The following GLDC variants were observed in gnomAD, a reference collection of about 807,000 sequenced individuals.
GLDC encodes the protein glycine decarboxylase, also known as glycine dehydrogenase (decarboxylating), mitochondrial.
Under a neutral mutation model 121.3 loss-of-function variants are expected in GLDC, and 104 were observed. The observed-to-expected ratio is 0.86, with a 90% CI of 0.73 to 1.01. The LOEUF (loss-of-function observed/expected upper bound fraction) is 1.01, where lower values mean the gene tolerates loss of function less well. GLDC is among the 50% of genes least tolerant of loss of function. The pLI, the probability that GLDC is intolerant of heterozygous loss-of-function variation, is 0.00. For synonymous variants in GLDC, 546 were observed against 480.6 expected (o/e 1.14, Z -1.78); for missense variants, 1,429 against 1,306.6 (o/e 1.09, Z -1.44).
intron 15 of GLDC, among the ~76,000 whole-genome samples, chr9:6,567,720 T>C (rs1817880371): frequency 6.6e-6 from 1 of 152,220 alleles, no homozygotes; most frequent in Non-Finnish European, 1.5e-5. Flanking sequence ...TATCATAGCA[T>C]TTTACTCTAC....
At chr9:6,558,397 C>T (rs1170329544) in intron 17 of GLDC, 162 bp downstream of exon 17, 3 of 797,370 alleles carry the variant, frequency 3.8e-6, no homozygotes, top group Non-Finnish European at 2.2e-6. Flanking sequence ...GGATTTCTCC[C>T]TGTTGGTGAT....
At chr9:6,618,896 C>T (rs1277761128) in intron 3 of GLDC, among the ~76,000 whole-genome samples, 2 of 151,898 alleles carry the variant, frequency 1.3e-5, no homozygotes, top group African/African-American at 4.8e-5. Flanking sequence ...GTAATCCCAG[C>T]CCTCTGGGAG....
intron 2 of GLDC, among the ~76,000 whole-genome samples, chr9:6,641,958 C>T (rs36043080): frequency 1.3e-5 from 2 of 152,160 alleles, no homozygotes; most frequent in South Asian, 2.1e-4. Context: ...AATGGAAATG[C>T]TACTACCAGA....
chr9:6,623,954 G>A (rs928867024), intron 2 of GLDC, among the ~76,000 whole-genome samples: 12 of 152,198 alleles, frequency 7.9e-5, no homozygotes, highest in African/African-American at 2.9e-4. Context: ...ATCCTGTGCA[G>A]GGGGGACAGG....
chr9:6,595,911 T>G (rs1010414367), intron 8 of GLDC, among the ~76,000 whole-genome samples: 9 of 152,166 alleles, frequency 5.9e-5, no homozygotes, highest in Non-Finnish European at 1.5e-5. Flanking sequence ...AGGAAGTCTC[T>G]ATGGAGCCAA....
intron 2 of GLDC, among the ~76,000 whole-genome samples, chr9:6,627,794 A>T (rs900395783): frequency 2.0e-5 from 3 of 152,152 alleles, no homozygotes; most frequent in African/African-American, 7.2e-5. Context: ...AGGCTTCCAC[A>T]CCCACATATA....
chr9:6,638,311 C>T (rs1396164735), intron 2 of GLDC, among the ~76,000 whole-genome samples: 2 of 151,904 alleles, frequency 1.3e-5, no homozygotes, highest in Non-Finnish European at 2.9e-5. Flanking sequence ...CGGGTTCAAG[C>T]GATTCTTCTG....
At chr9:6,611,759 T>C (rs1818862142) in intron 3 of GLDC, among the ~76,000 whole-genome samples, 1 of 152,232 alleles carries the variant, frequency 6.6e-6, no homozygotes, top group Non-Finnish European at 1.5e-5. Context: ...TCCTGTCGTA[T>C]ATCTTGTGCC....
chr9:6,607,952 A>C (rs1334806408), intron 4 of GLDC, among the ~76,000 whole-genome samples: 1 of 151,384 alleles, frequency 6.6e-6, no homozygotes, highest in Non-Finnish European at 1.5e-5. Flanking sequence ...GCAAAACCCT[A>C]TCTCTACAAA....
intron 2 of GLDC, among the ~76,000 whole-genome samples, chr9:6,640,588 A>G (rs1444644870): frequency 1.3e-5 from 2 of 152,164 alleles, no homozygotes; most frequent in Admixed American, 1.3e-4. Flanking sequence ...CATTCTGACA[A>G]CTCATCTCCT....
At position 6,645,412 on chromosome 9, in the gene GLDC, A is replaced by G; in HGVS notation, c.88T>C (p.Trp30Arg). The G allele has an allele frequency of 7.1e-7, 1 of 1,412,486 alleles. No homozygotes were observed. Among genetic ancestry groups the G allele is most frequent in the Non-Finnish European group, 9.2e-7 (1 of 1,081,976 alleles). 87.5% of individuals were successfully genotyped at this position (1,412,486 alleles called of 1,614,324 possible). A position where few individuals can be genotyped will look rare whatever the true frequency, so the allele number is the denominator to read the frequency against. Residue 30 changes from tryptophan to arginine, a missense_variant, in exon 1 of 25, where the codon TGG (tryptophan) becomes CGG (arginine). Coordinates refer to ENST00000321612, the MANE Select transcript of GLDC (RefSeq NM_000170.3). ...RRLAGGSGPC[W>R]APRSRDSSSG... ...CTGCTGTCCCGGCTCCGCGGCGCCC[A>G]GCACGGCCCCGATCCCCCAGCCAGG...
intron 7 of GLDC, among the ~76,000 whole-genome samples, chr9:6,603,888 C>T (rs1970081): frequency 0.18 from 27,055 of 151,698 alleles, 2,888 homozygotes; most frequent in East Asian, 0.34. Context: ...CACCACCACG[C>T]CCACCTAATT....
intron 14 of GLDC, among the ~76,000 whole-genome samples, chr9:6,588,095 G>C (rs1305787655): frequency 8.6e-6 from 1 of 116,838 alleles, no homozygotes; most frequent in African/African-American, 3.3e-5. Flanking sequence ...TTTTAAAAAA[G>C]CTTTTAATAT....
intron 2 of GLDC, 57 bp downstream of exon 2, chr9:6,644,557 C>G: frequency 8.2e-7 from 1 of 1,215,030 alleles, no homozygotes; most frequent in Admixed American, 1.7e-5. Context: ...CAGGGAACCA[C>G]AAAAGACAAA....
chr9:6,635,678 G>T (rs1326865847), intron 2 of GLDC, among the ~76,000 whole-genome samples: 2 of 151,978 alleles, frequency 1.3e-5, no homozygotes, highest in African/African-American at 2.4e-5. Flanking sequence ...CTTGAGACCA[G>T]CCTGGGCAAC....
At chr9:6,611,550 C>T (rs986399313) in intron 3 of GLDC, among the ~76,000 whole-genome samples, 6 of 92,444 alleles carry the variant, frequency 6.5e-5, no homozygotes, top group South Asian at 3.8e-4. Flanking sequence ...AGCAAGACTC[C>T]GTCTCAAAAA....
At chr9:6,547,471 G>C (rs1817419168) in intron 21 of GLDC, among the ~76,000 whole-genome samples, 2 of 152,168 alleles carry the variant, frequency 1.3e-5, no homozygotes, top group Admixed American at 6.5e-5. Context: ...CTAGTTCTCA[G>C]TCCTCACTAG....
At chr9:6,598,463 G>A (rs896156456) in intron 8 of GLDC, among the ~76,000 whole-genome samples, 1 of 152,140 alleles carries the variant, frequency 6.6e-6, no homozygotes, top group Non-Finnish European at 1.5e-5. Context: ...CCCCATCCAC[G>A]ATGCGAAACT....
At chr9:6,637,432 G>T (rs1021324395) in intron 2 of GLDC, among the ~76,000 whole-genome samples, 1 of 151,494 alleles carries the variant, frequency 6.6e-6, no homozygotes, top group Non-Finnish European at 1.5e-5. Context: ...ACTTTATCAA[G>T]ATTGAGGGTT....
Sources: allele counts gnomAD v4.1 joint callset (sites outside exome capture counted in the v4.1 genomes callset), GRCh38; gene constraint gnomAD v4.1.1; transcripts MANE v1.5; gene names NCBI Gene and HGNC (gene_info 2026-07-23, HGNC 2026-07-21).